The following ABCC8 variants were observed in gnomAD, a reference collection of about 807,000 sequenced individuals.
ABCC8 encodes ATP-binding cassette sub-family C member 8.
A neutral mutation model predicts 188.0 loss-of-function variants in ABCC8; 137 were observed. That is an observed-to-expected ratio of 0.73 (90% confidence interval 0.63 to 0.84). The LOEUF is 0.84. Among genes scored for constraint, ABCC8 ranks in the 40% least tolerant of loss-of-function variants. The pLI, the probability that ABCC8 is intolerant of heterozygous loss-of-function variation, is 0.00. For synonymous variants in ABCC8, 797 were observed against 846.5 expected, an observed-to-expected ratio of 0.94 and a Z score of 1.01; for missense variants, 1,750 against 2,072.7, an observed-to-expected ratio of 0.84 and a Z score of 3.02.
At chr11:17,475,277 C>T (rs1848698517) in intron 1 of ABCC8, among the ~76,000 whole-genome samples, 1 of 152,182 alleles carries the variant, frequency 6.6e-6, no homozygotes. Context: ...GAGTGCAGTG[C>T]CACGATCACG....
At chr11:17,433,193 C>G (rs182920899) in intron 10 of ABCC8, among the ~76,000 whole-genome samples, 4 of 152,108 alleles carry the variant, frequency 2.6e-5, no homozygotes, top group African/African-American at 9.7e-5. Context: ...AGAGAGCAGC[C>G]CCCCCATGGC....
At chr11:17,428,717 G>T (rs370137165) in intron 12 of ABCC8, 47 bp from the exon 13 acceptor site, 95 of 1,605,300 alleles carry the variant, frequency 5.9e-5, no homozygotes, top group Non-Finnish European at 7.5e-5. Flanking sequence ...CAGGGGCAGA[G>T]GGGAGGGGAG....
chr11:17,448,276 G>A, intron 8 of ABCC8: 1 of 528,698 alleles, frequency 1.9e-6, no homozygotes, highest in East Asian at 3.3e-5. Context: ...TATAAAGTTG[G>A]CTCCATTTTT....
chr11:17,416,515 C>T (rs937517278), intron 17 of ABCC8, among the ~76,000 whole-genome samples: 3 of 152,130 alleles, frequency 2.0e-5, no homozygotes, highest in Non-Finnish European at 4.4e-5. Context: ...ACTAAAAGTA[C>T]GTTCACCAGG....
chr11:17,459,493 ACCT>A (rs1488562039), intron 6 of ABCC8, among the ~76,000 whole-genome samples: 5 of 152,118 alleles, frequency 3.3e-5, no homozygotes, highest in African/African-American at 1.2e-4. Context: ...ATGAACATAA[ACCT>A]CCTGAGGATT....
chr11:17,397,902 A>T (rs543949355), intron 30 of ABCC8, 105 bp from the exon 31 acceptor site: 1 of 1,534,626 alleles, frequency 6.5e-7, no homozygotes, highest in Non-Finnish European at 8.7e-7. Context: ...CCAGGCCTCC[A>T]CTCCAGCCCT....
At chr11:17,403,773 T>A (rs186312207) in intron 28 of ABCC8, among the ~76,000 whole-genome samples, 29 of 152,344 alleles carry the variant, frequency 1.9e-4, no homozygotes, top group Middle Eastern at 6.8e-3. Context: ...ACTCTATGAA[T>A]ACAGTCTGAT....
chr11:17,419,303 C>G (rs1955226631), intron 16 of ABCC8, among the ~76,000 whole-genome samples: 1 of 152,180 alleles, frequency 6.6e-6, no homozygotes, highest in African/African-American at 2.4e-5. Flanking sequence ...TTCCAGTTCC[C>G]CAACCGCATG....
At position 17,397,054 on chromosome 11, in the gene ABCC8, C is replaced by G. The variant is rs1454350624; in HGVS notation, c.3989-8G>C. ...TTGGGATCAGCGATGGTGCTGGGGGCCGGGCTGGGCTCAGCCACCAGGCAT... is the reference window on the plus strand; with the variant it reads ...TTGGGATCAGCGATGGTGCTGGGGGGCGGGCTGGGCTCAGCCACCAGGCAT... On this transcript the variant is annotated splice_polypyrimidine_tract_variant and splice_region_variant and intron_variant, in intron 32 of 38. Coordinates refer to ENST00000389817, the MANE Select transcript of ABCC8 (RefSeq NM_000352.6). 6.2e-7 allele frequency: 1 copy of G among 1,614,154 alleles called. No individual in the cohort carries two copies.
intron 3 of ABCC8, 106 bp downstream of exon 3, chr11:17,469,995 A>T (rs1347063007): frequency 6.9e-7 from 1 of 1,449,974 alleles, no homozygotes; most frequent in African/African-American, 1.4e-5. Flanking sequence ...TTTCTATTCC[A>T]AATCTCTACT....
chr11:17,463,543 C>G lies in ABCC8; in HGVS notation c.474G>C (p.Leu158Phe). ...ITKTIKFVKF[L>F]DHAIGFSQLR... is the part of the protein sequence containing the mutation. ...GCTGCGAGAAGCCGATGGCGTGGTC[C>G]AAGAACTTGACAAACTTGATGGTCT... Residue 158 changes from leucine to phenylalanine, a missense_variant, in exon 4 of 39, where the codon TTG (leucine) becomes TTC (phenylalanine). Physicochemically the swap from Leu to Phe is conservative, Grantham distance 22 (BLOSUM62 0). Coordinates refer to ENST00000389817, the MANE Select transcript of ABCC8 (RefSeq NM_000352.6). 1 of 1,596,406 alleles carries G rather than the reference C, an allele frequency of 6.3e-7. No individual in the cohort carries two copies. The highest frequency in any genetic ancestry group is 8.5e-7 in the Non-Finnish European group (1 of 1,171,428).
chr11:17,400,082 GCA>G (rs1471821671), intron 29 of ABCC8, among the ~76,000 whole-genome samples: 1 of 152,204 alleles, frequency 6.6e-6, no homozygotes, highest in East Asian at 1.9e-4. Context: ...GGACACGGAG[GCA>G]CCCAAGACGT....
intron 3 of ABCC8, among the ~76,000 whole-genome samples, chr11:17,469,049 CCCTCCCT>C (rs1371809010): frequency 8.4e-4 from 1 of 1,194 alleles, no homozygotes; most frequent in African/African-American, 4.2e-3. Flanking sequence ...GCTTTCTTCT[CCCTCCCT>C]CCTCCCTCCC....
At position 17,394,354 on chromosome 11, in the gene ABCC8, C is replaced by T; in HGVS notation, c.4457G>A (p.Arg1486Lys). 2 of 1,614,048 alleles carry T rather than the reference C, an allele frequency of 1.2e-6. No homozygotes were observed. The highest frequency in any genetic ancestry group is 4.5e-5 in the East Asian group (2 of 44,892). ...GGCCCGGGCCAGGCAGAACAGCTGC[C>T]TCTGTCCCTGGCTGAAATTCTCCCC... Reference protein sequence around the residue: ...EGGENFSQGQRQLFCLARAFV... With the variant: ...EGGENFSQGQKQLFCLARAFV... Residue 1486 changes from arginine to lysine, a missense_variant, in exon 37 of 39, where the codon AGG becomes AAG. Coordinates refer to ENST00000389817, the MANE Select transcript of ABCC8 (RefSeq NM_000352.6).
intron 6 of ABCC8, 24 bp from the exon 7 acceptor site, chr11:17,453,307 G>A (rs1188300954): frequency 3.1e-6 from 5 of 1,613,572 alleles, no homozygotes; most frequent in South Asian, 1.1e-5. Flanking sequence ...AAGTTCAGAG[G>A]TGACTGTCAT....
At chr11:17,453,326 A>C in intron 6 of ABCC8, 43 bp from the exon 7 acceptor site, 3 of 1,611,198 alleles carry the variant, frequency 1.9e-6, no homozygotes, top group Non-Finnish European at 2.5e-6. Context: ...ATTGCCAGCA[A>C]AATGACCACC....
intron 16 of ABCC8, among the ~76,000 whole-genome samples, chr11:17,424,376 G>T: frequency 6.6e-6 from 1 of 152,182 alleles, no homozygotes; most frequent in East Asian, 1.9e-4. Flanking sequence ...CCTTGGAGAG[G>T]CTCCTTGTGT....
In ABCC8 at chr11:17,474,960, G is replaced by A. The variant is rs761173142; in HGVS notation, c.216C>T (p.Asn72=). 1 of 1,614,070 alleles carries A rather than the reference G, an allele frequency of 6.2e-7. No individual in the cohort carries two copies. The highest frequency in any genetic ancestry group is 1.3e-5 in the African/African-American group (1 of 74,932). The change falls in exon 2 of 39, where the codon AAC becomes AAT. Residue 72 remains asparagine, a synonymous_variant. Coordinates refer to ENST00000389817, the MANE Select transcript of ABCC8 (RefSeq NM_000352.6). ...GCATGAAGGTCAGGATCCACCGCAG[G>A]TTGTGCCCAGGGAAATGAAGCCATG... ...HSTWLHFPGH[N]LRWILTFMLL... is the part of the protein sequence containing the mutation.
At chr11:17,420,851 A>T (rs1955307658) in intron 16 of ABCC8, among the ~76,000 whole-genome samples, 2 of 152,154 alleles carry the variant, frequency 1.3e-5, no homozygotes, top group African/African-American at 4.8e-5. Flanking sequence ...GCTAATCTTG[A>T]CTTTTTACCA....
Sources: allele counts gnomAD v4.1 joint callset (sites outside exome capture counted in the v4.1 genomes callset), GRCh38; gene constraint gnomAD v4.1.1; transcripts MANE v1.5; gene names NCBI Gene and HGNC (gene_info 2026-07-23, HGNC 2026-07-21).